ZNHIT3: variants seen among roughly 807,000 people sequenced by gnomAD.
ZNHIT3 encodes zinc finger HIT domain-containing protein 3.
A neutral mutation model predicts 19.9 loss-of-function variants in ZNHIT3; 27 were observed. The observed-to-expected ratio is 1.36, with a 90% confidence interval of 1.00 to 1.87. The LOEUF (loss-of-function observed/expected upper bound fraction) is 1.87, where lower values mean the gene tolerates loss of function less well. ZNHIT3 is among the 40% of genes most tolerant of loss of function. The pLI, the probability that ZNHIT3 is intolerant of heterozygous loss-of-function variation, is 0.00. For synonymous variants in ZNHIT3, 81 were observed against 65.7 expected, an observed-to-expected ratio of 1.23 and a Z score of -1.13; for missense variants, 215 against 185.6, an observed-to-expected ratio of 1.16 and a Z score of -0.92.
chr17:36,496,402 G>C (rs766772441), downstream of ZNHIT3: 1 of 1,613,872 alleles, frequency 6.2e-7, no homozygotes, highest in East Asian at 2.2e-5. Context: ...AAACTTTATC[G>C]ATCCCTAGAG....
At chr17:36,496,591 A>C (rs1418836444), downstream of ZNHIT3, among the ~76,000 whole-genome samples, 2 of 152,164 alleles carry the variant, frequency 1.3e-5, no homozygotes, top group Non-Finnish European at 2.9e-5. Context: ...CCCTAGGAGG[A>C]GGCGCTCCCT....
chr17:36,498,404 C>G, downstream of ZNHIT3: 1 of 1,614,026 alleles, frequency 6.2e-7, no homozygotes. Flanking sequence ...CACCCATAGC[C>G]GTATTGGCCA....
intron 3 of ZNHIT3, chr17:36,493,208 T>A (rs62070708): frequency 0.35 from 151,586 of 429,624 alleles, 29,420 homozygotes; most frequent in Non-Finnish European, 0.42. Flanking sequence ...GCTGCTGGTC[T>A]CCCTCCATGA....
At chr17:36,487,801 G>GAAAAAAAAA (rs962667039) in intron 2 of ZNHIT3, among the ~76,000 whole-genome samples, 21 of 128,682 alleles carry the variant, frequency 1.6e-4, no homozygotes, top group African/African-American at 6.2e-4. Flanking sequence ...GAAAAAAAAA[G>GAAAAAAAAA]AAAAAAAAAA....
Position 36,495,816 on chromosome 17 carries a change from T to C in ZNHIT3, c.*412T>C. On this transcript the variant is annotated 3_prime_UTR_variant, in exon 5 of 5. Coordinates refer to ENST00000617429, the MANE Select transcript of ZNHIT3 (RefSeq NM_004773.4). ...ACATTAAATAAATCAACTAATTAAA[T>C]ACTAAAGTTTTGTTCCTTTTTAAAG... The C allele has an allele frequency of 3.0e-5, 37 of 1,241,792 alleles. No homozygotes were observed. The highest frequency in any genetic ancestry group is 6.2e-5 in the African/African-American group (4 of 64,744). The allele number at this position is 1,241,792 out of a possible 1,614,324, so 76.9% of individuals were successfully genotyped here.
intron 2 of ZNHIT3, 82 bp from the exon 3 acceptor site, chr17:36,492,731 C>G (rs1159609988): frequency 4.7e-6 from 6 of 1,264,288 alleles, no homozygotes; most frequent in Non-Finnish European, 6.8e-6. Flanking sequence ...TTGCTTCCTA[C>G]CTAGATGCTA....
intron 2 of ZNHIT3, among the ~76,000 whole-genome samples, chr17:36,487,363 C>G (rs775887493): frequency 1.3e-5 from 2 of 152,178 alleles, no homozygotes; most frequent in African/African-American, 2.4e-5. Flanking sequence ...AGTATTTTCA[C>G]TCGTGTAAAT....
chr17:36,494,493 AAC>A (rs1370532749), intron 4 of ZNHIT3, among the ~76,000 whole-genome samples: 2 of 152,246 alleles, frequency 1.3e-5, no homozygotes, highest in African/African-American at 2.4e-5. Flanking sequence ...TTTAGGGGGA[AAC>A]AGGTGTTGCC....
downstream of ZNHIT3, chr17:36,498,680 A>G: frequency 8.2e-7 from 1 of 1,223,406 alleles, no homozygotes; most frequent in Non-Finnish European, 1.1e-6. Flanking sequence ...ACCTGGTTGC[A>G]AACAGCTGGC....
intron 4 of ZNHIT3, 66 bp downstream of exon 4, chr17:36,494,072 T>TTA: frequency 1.5e-6 from 2 of 1,310,256 alleles, no homozygotes; most frequent in Non-Finnish European, 2.2e-6. Flanking sequence ...TTGTGATTTT[T>TTA]TAAAAAGTTT....
At chr17:36,489,309 G>A (rs1347214873) in intron 2 of ZNHIT3, 2 of 152,178 alleles carry the variant, frequency 1.3e-5, no homozygotes, top group African/African-American at 4.8e-5. Context: ...TATATATACA[G>A]TAGTGGGATT....
intron 2 of ZNHIT3, chr17:36,492,038 G>C (rs1242169705): frequency 1.3e-5 from 2 of 152,268 alleles, no homozygotes; most frequent in Non-Finnish European, 2.9e-5. Flanking sequence ...TCGGCACTTA[G>C]TCACTGGCAG....
At chr17:36,499,246 G>T, downstream of ZNHIT3, 6 of 939,700 alleles carry the variant, frequency 6.4e-6, 1 homozygote, top group Non-Finnish European at 9.7e-6. Flanking sequence ...CACCACAGTT[G>T]CTGTCAAAGT....
At position 36,495,587 on chromosome 17, in the gene ZNHIT3, C is replaced by T; in HGVS notation, c.*183C>T. On this transcript the variant is annotated 3_prime_UTR_variant, in exon 5 of 5. Transcript: ENST00000617429. ...CTCATGTTTCAGGCAGACTTGGGGT[C>T]CTTAAGGTGGCAAGTCCTTTATGGA... is the stretch of plus-strand genomic sequence containing the variant. The T allele has an allele frequency of 7.7e-7, 1 of 1,298,414 alleles. No homozygotes were observed. The highest frequency in any genetic ancestry group is 9.7e-7 in the Non-Finnish European group (1 of 1,026,566). 80.4% of individuals were successfully genotyped at this position (1,298,414 alleles called of 1,614,324 possible).
At chr17:36,492,460 G>C (rs1284783569) in intron 2 of ZNHIT3, 2 of 235,232 alleles carry the variant, frequency 8.5e-6, no homozygotes, top group Non-Finnish European at 1.6e-5. Context: ...TGTTGACTCT[G>C]TAAGTTCTTT....
At chr17:36,497,519 TTTC>T (rs2071100043), downstream of ZNHIT3, 2 of 984,886 alleles carry the variant, frequency 2.0e-6, no homozygotes, top group Non-Finnish European at 2.4e-6. Context: ...TCTTGGGTAG[TTTC>T]TTTTTTGCTA....
At chr17:36,494,507 T>C (rs1322426016) in intron 4 of ZNHIT3, among the ~76,000 whole-genome samples, 2 of 152,230 alleles carry the variant, frequency 1.3e-5, no homozygotes, top group Non-Finnish European at 2.9e-5. Flanking sequence ...GGTGTTGCCA[T>C]TTTTGTAGCA....
At chr17:36,495,176 T>C (rs2070866395) in intron 4 of ZNHIT3, 47 bp from the exon 5 acceptor site, 3 of 1,526,344 alleles carry the variant, frequency 2.0e-6, no homozygotes, top group Non-Finnish European at 2.6e-6. Context: ...CATCTCCATG[T>C]GTTTCCACTT....
chr17:36,493,090 A>C (rs1043022955), intron 3 of ZNHIT3, 191 bp downstream of exon 3: 10 of 611,782 alleles, frequency 1.6e-5, no homozygotes, highest in Non-Finnish European at 2.6e-5. Flanking sequence ...GCCTGAAAGC[A>C]GTATTCAGGA....
Sources: allele counts gnomAD v4.1 joint callset (sites outside exome capture counted in the v4.1 genomes callset), GRCh38; gene constraint gnomAD v4.1.1; transcripts MANE v1.5; gene names NCBI Gene and HGNC (gene_info 2026-07-23, HGNC 2026-07-21).